TMEM74: variants seen among roughly 807,000 people sequenced by gnomAD.
TMEM74 encodes the protein transmembrane protein 74.
In TMEM74, 13 loss-of-function variants were observed where a neutral mutation model predicts 18.1. The observed-to-expected ratio is 0.72, with a 90% confidence interval of 0.47 to 1.14. The LOEUF (loss-of-function observed/expected upper bound fraction) is 1.14. Ranked by LOEUF, TMEM74 falls within the 50% of genes most tolerant of loss-of-function variation. The pLI is 0.00. For synonymous variants in TMEM74, 159 were observed against 146.6 expected (o/e 1.08, Z -0.61); for missense variants, 372 against 375.9 (o/e 0.99, Z 0.09).
chr8:108,633,689 G>T (rs889276320), intron 2 of TMEM74, among the ~76,000 whole-genome samples: 1 of 151,956 alleles, frequency 6.6e-6, no homozygotes, highest in Admixed American at 6.6e-5. Flanking sequence ...CTCTCTGGAA[G>T]ATTTAGCTGG....
intron 1 of TMEM74, among the ~76,000 whole-genome samples, chr8:108,764,940 C>T (rs1423643226): frequency 6.6e-6 from 1 of 152,160 alleles, no homozygotes; most frequent in African/African-American, 2.4e-5. Flanking sequence ...CTCAATGAAG[C>T]TGAGTTTATC....
chr8:108,638,631 A>G (rs984766362), intron 2 of TMEM74, among the ~76,000 whole-genome samples: 10 of 152,048 alleles, frequency 6.6e-5, no homozygotes, highest in African/African-American at 2.4e-4. Flanking sequence ...TAATTCCATA[A>G]CATATTCAGC....
At chr8:108,672,270 C>T (rs983947277) in intron 1 of TMEM74, among the ~76,000 whole-genome samples, 2 of 152,086 alleles carry the variant, frequency 1.3e-5, no homozygotes, top group African/African-American at 4.8e-5. Context: ...AAAAATTGTT[C>T]CTAACAGTAG....
At chr8:108,699,963 G>C (rs12681788) in intron 1 of TMEM74, among the ~76,000 whole-genome samples, 29,603 of 152,114 alleles carry the variant, frequency 0.19, 3,282 homozygotes, top group Non-Finnish European at 0.25. Context: ...TTTTCTTATG[G>C]CTAAATTTAT....
chr8:108,724,066 C>T (rs1257843389), intron 1 of TMEM74, among the ~76,000 whole-genome samples: 3 of 152,126 alleles, frequency 2.0e-5, no homozygotes, highest in South Asian at 2.1e-4. Flanking sequence ...CCTGTACTTT[C>T]GAGGTCTTCA....
intron 2 of TMEM74, among the ~76,000 whole-genome samples, chr8:108,647,739 T>G (rs1039644207): frequency 6.6e-6 from 1 of 151,970 alleles, no homozygotes; most frequent in African/African-American, 2.4e-5. Context: ...CTAAGAGCCA[T>G]TTTTTTGCCC....
chr8:108,707,480 C>T (rs1813428424), intron 1 of TMEM74, among the ~76,000 whole-genome samples: 2 of 152,154 alleles, frequency 1.3e-5, no homozygotes, highest in South Asian at 4.1e-4. Flanking sequence ...TCTCTCATGT[C>T]TTTAATAGGC....
At chr8:108,654,384 A>G (rs1375407062) in intron 2 of TMEM74, among the ~76,000 whole-genome samples, 2 of 152,172 alleles carry the variant, frequency 1.3e-5, no homozygotes, top group African/African-American at 4.8e-5. Flanking sequence ...CTGAGGATTA[A>G]ATTATAGAAA....
In TMEM74 at chr8:108,705,983, G is replaced by A. The variant is rs189187819; in HGVS notation, n.120-50546C>T. Among the ~76,000 whole-genome samples, 4 of 152,284 alleles carry A rather than the reference G, an allele frequency of 2.6e-5. No individual in the cohort carries two copies. The East Asian group carries it at 7.8e-4, about 30-fold the overall frequency. ...TTTGCTATCAAAATTCCAAACAGCA[G>A]AGCCCCAGCCACTTCAGAGAATTCT... On this transcript the variant is annotated intron_variant and non_coding_transcript_variant, in intron 1 of 3. Coordinates refer to the TMEM74 transcript ENST00000518838.
At chr8:108,773,637 C>CTT (rs1020133331) in intron 1 of TMEM74, among the ~76,000 whole-genome samples, 2 of 152,106 alleles carry the variant, frequency 1.3e-5, no homozygotes, top group Admixed American at 1.3e-4. Flanking sequence ...TTGCAGCTTT[C>CTT]TTTCTGTCTT....
Position 108,785,115 on chromosome 8 carries a change from T to A in TMEM74, c.-17A>T. 1 of 1,562,482 alleles carries A rather than the reference T, an allele frequency of 6.4e-7. No homozygotes were observed. The highest frequency in any genetic ancestry group is 8.6e-7 in the Non-Finnish European group (1 of 1,157,838). On this transcript the variant is annotated 5_prime_UTR_variant, in exon 2 of 2. An upstream start codon of the reference 5' UTR is lost. Transcript: ENST00000297459. The stretch of plus-strand genomic sequence containing the variant: ...GAGCTCCATGAGAGCTAGTCAGACA[T>A]CCCCCAGCAGCTTCCGGAAAGTCTG...
chr8:108,747,633 G>A (rs185075264), intron 1 of TMEM74, among the ~76,000 whole-genome samples: 7 of 152,118 alleles, frequency 4.6e-5, no homozygotes, highest in African/African-American at 1.7e-4. Context: ...TGCCATGGTG[G>A]TTTGCTGCAC....
chr8:108,668,700 G>T (rs1812973352), intron 1 of TMEM74, among the ~76,000 whole-genome samples: 1 of 152,132 alleles, frequency 6.6e-6, no homozygotes, highest in Admixed American at 6.6e-5. Flanking sequence ...TGGGTACTGG[G>T]TTTTTGTTAT....
intron 1 of TMEM74, among the ~76,000 whole-genome samples, chr8:108,734,688 A>C (rs1813728011): frequency 6.6e-6 from 1 of 152,118 alleles, no homozygotes; most frequent in African/African-American, 2.4e-5. Flanking sequence ...GAAAAGAAAA[A>C]TTTAAAGAAA....
At chr8:108,622,392 T>C (rs1427561309) in intron 2 of TMEM74, among the ~76,000 whole-genome samples, 2 of 152,100 alleles carry the variant, frequency 1.3e-5, no homozygotes, top group Non-Finnish European at 2.9e-5. Context: ...CCACAACTGG[T>C]AATTTGTGGG....
rs1168069093 is a variant in TMEM74 at position 108,781,080 on chromosome 8, T to C, written c.*3101A>G. Among the ~76,000 whole-genome samples the C allele has an allele frequency of 6.6e-6, 1 of 152,140 alleles. No homozygotes were observed. Among genetic ancestry groups the C allele is most frequent in the Non-Finnish European group, 1.5e-5 (1 of 67,998 alleles). On this transcript the variant is annotated 3_prime_UTR_variant, in exon 2 of 2. Transcript: ENST00000297459. ...TGTAACTCACCCCATTGGGCCACACTGCTGAAAGACGAGCTGTCTTCTCAT... is the reference window on the plus strand; with the variant it reads ...TGTAACTCACCCCATTGGGCCACACCGCTGAAAGACGAGCTGTCTTCTCAT...
At chr8:108,611,055 G>A (rs1002915378) in intron 2 of TMEM74, among the ~76,000 whole-genome samples, 4 of 152,010 alleles carry the variant, frequency 2.6e-5, no homozygotes, top group Admixed American at 6.6e-5. Flanking sequence ...ATTCTATGTG[G>A]GATTATATGA....
chr8:108,735,400 A>G (rs915661255), intron 1 of TMEM74, among the ~76,000 whole-genome samples: 1 of 131,964 alleles, frequency 7.6e-6, no homozygotes, highest in African/African-American at 3.2e-5. Flanking sequence ...GCATCTAATA[A>G]TCTACTTTCT....
At chr8:108,762,164 A>T (rs1269600147) in intron 1 of TMEM74, among the ~76,000 whole-genome samples, 1 of 152,172 alleles carries the variant, frequency 6.6e-6, no homozygotes, top group African/African-American at 2.4e-5. Flanking sequence ...CTTTGCCCAC[A>T]AATAAACTTG....
Sources: gnomAD v4.1 joint callset for allele counts (sites outside exome capture counted in the v4.1 genomes callset) on GRCh38, gnomAD v4.1.1 for gene constraint, MANE v1.5 for transcripts, NCBI Gene and HGNC (gene_info 2026-07-23, HGNC 2026-07-21) for gene names.